Variants in RHOD observed in about 807,000 individuals in gnomAD.
RHOD encodes the protein rho-related GTP-binding protein RhoD.
In RHOD, 11 loss-of-function variants were observed where a neutral mutation model predicts 16.7. The observed-to-expected ratio is 0.66, with a 90% CI of 0.41 to 1.09. The LOEUF is 1.09. Among genes scored for constraint, RHOD ranks in the 50% least tolerant of loss-of-function variants. RHOD has a pLI of 0.00. For synonymous variants in RHOD, 124 were observed against 126.3 expected, an observed-to-expected ratio of 0.98 and a Z score of 0.12; for missense variants, 271 against 291.7, an observed-to-expected ratio of 0.93 and a Z score of 0.52.
intron 3 of RHOD, among the ~76,000 whole-genome samples, chr11:67,067,878 C>T (rs1251873068): frequency 6.6e-6 from 1 of 152,160 alleles, no homozygotes; most frequent in African/African-American, 2.4e-5. Flanking sequence ...CGGCTCACTA[C>T]AAGCTCTGCC....
rs1855026125 is a variant in RHOD at position 67,071,292 on chromosome 11, G to T, written c.466-143G>T. On this transcript the variant is annotated intron_variant, in intron 4 of 4. Coordinates refer to ENST00000308831, the MANE Select transcript of RHOD (RefSeq NM_014578.4). The stretch of plus-strand genomic sequence containing the variant: ...GAAAAACAAACATGATGAAGTGCAT[G>T]AGGGCGCTTGGGCAAGCAGGGATAC... 9 of 558,732 alleles carry T rather than the reference G, an allele frequency of 1.6e-5. No homozygotes were observed. In the South Asian group the frequency reaches 3.1e-4, roughly 19 times the overall value. The allele number at this position is 558,732 out of a possible 1,614,324, so 34.6% of individuals were successfully genotyped here.
intron 4 of RHOD, among the ~76,000 whole-genome samples, chr11:67,071,031 G>C (rs544421776): frequency 6.6e-6 from 1 of 152,082 alleles, no homozygotes; most frequent in Non-Finnish European, 1.5e-5. Flanking sequence ...TCAGGAGTTC[G>C]AGACCAGCCA....
In RHOD at chr11:67,066,823, C is replaced by T. The variant is rs757893869; in HGVS notation, c.306C>T (p.Asn102=). The part of the protein sequence containing the change: ...LLLCFDVTSP[N]SFDNIFNRWY... Reference sequence around the variant, plus strand: ...TTTGCTTCGATGTCACCAGCCCGAACAGCTTTGACAACATCTTTAACCGGG... The same window carrying T: ...TTTGCTTCGATGTCACCAGCCCGAATAGCTTTGACAACATCTTTAACCGGG... The change falls in exon 3 of 5, where the codon AAC becomes AAT. Residue 102 remains asparagine, a synonymous_variant. Coordinates refer to ENST00000308831, the MANE Select transcript of RHOD (RefSeq NM_014578.4). 1.2e-6 allele frequency: 2 copies of T among 1,613,274 alleles called. No homozygotes were observed. The highest frequency in any genetic ancestry group is 1.7e-5 in the Admixed American group (1 of 60,024).
intron 1 of RHOD, among the ~76,000 whole-genome samples, chr11:67,064,892 G>A (rs1039623209): frequency 6.6e-6 from 1 of 151,976 alleles, no homozygotes; most frequent in African/African-American, 2.4e-5. Context: ...ACTCCAGCCT[G>A]GGAAACACAG....
At chr11:67,064,145 G>A (rs371979135) in intron 1 of RHOD, among the ~76,000 whole-genome samples, 7 of 144,862 alleles carry the variant, frequency 4.8e-5, no homozygotes, top group South Asian at 4.4e-4. Flanking sequence ...GGTGGCTCAC[G>A]CCTGTAATCC....
Position 67,071,649 on chromosome 11 carries a change from C to G in RHOD, c.*47C>G. 1 of 1,513,172 alleles carries G rather than the reference C, an allele frequency of 6.6e-7. No homozygotes were observed. The highest frequency in any genetic ancestry group is 8.9e-7 in the Non-Finnish European group (1 of 1,125,968). The allele number at this position is 1,513,172 out of a possible 1,614,324, so 93.7% of individuals were successfully genotyped here. A position where few individuals can be genotyped will look rare whatever the true frequency, so the allele number is the denominator to read the frequency against. On this transcript the variant is annotated 3_prime_UTR_variant, in exon 5 of 5. Transcript: ENST00000308831. ...ACGCGGGAAGGGGCAGGGCGCTGAC[C>G]TGCTGCTGAGCTGGCTGGGCTGGAC...
chr11:67,065,317 G>A (rs185659085), intron 1 of RHOD, among the ~76,000 whole-genome samples: 252 of 152,188 alleles, frequency 1.7e-3, no homozygotes, highest in African/African-American at 5.9e-3. Context: ...CTCATGATCC[G>A]CCCACTTCGG....
chr11:67,061,399 G>A (rs1163490050), intron 1 of RHOD, among the ~76,000 whole-genome samples: 7 of 152,268 alleles, frequency 4.6e-5, no homozygotes, highest in East Asian at 1.9e-4. Flanking sequence ...TCGGGAGGCC[G>A]AGGCGGGTGG....
intron 2 of RHOD, among the ~76,000 whole-genome samples, 192 bp downstream of exon 2, chr11:67,066,175 C>T (rs1854957565): frequency 6.6e-6 from 1 of 152,204 alleles, no homozygotes; most frequent in African/African-American, 2.4e-5. Context: ...CCCCCAGCAC[C>T]CCAGGGCCGC....
chr11:67,070,608 A>T (rs765783658), intron 4 of RHOD, 49 bp downstream of exon 4: 1 of 1,609,312 alleles, frequency 6.2e-7, no homozygotes, highest in Non-Finnish European at 8.5e-7. Flanking sequence ...GAGTGAGGGG[A>T]CCTCTGGATG....
intron 1 of RHOD, among the ~76,000 whole-genome samples, chr11:67,060,223 C>T (rs939596702): frequency 1.3e-5 from 2 of 152,186 alleles, no homozygotes; most frequent in African/African-American, 2.4e-5. Context: ...AGGGATGCCC[C>T]GACACTCCCT....
intron 1 of RHOD, among the ~76,000 whole-genome samples, chr11:67,065,085 T>A (rs1854941106): frequency 6.6e-6 from 1 of 152,026 alleles, no homozygotes; most frequent in South Asian, 2.1e-4. Flanking sequence ...GGACTTTTTT[T>A]TTTTTTTTGA....
At chr11:67,059,058 A>T (rs143410340) in intron 1 of RHOD, among the ~76,000 whole-genome samples, 22 of 152,266 alleles carry the variant, frequency 1.4e-4, no homozygotes, top group African/African-American at 4.8e-4. Flanking sequence ...CCAACTTCAG[A>T]GGAGTTATGA....
chr11:67,066,089 TCCAA>T, intron 2 of RHOD, 106 bp downstream of exon 2: 1 of 908,590 alleles, frequency 1.1e-6, no homozygotes, highest in South Asian at 1.6e-5. Flanking sequence ...CCAGCCAGTC[TCCAA>T]GGGACAGGTG....
chr11:67,061,649 A>T (rs1339885547), intron 1 of RHOD, among the ~76,000 whole-genome samples: 1 of 149,616 alleles, frequency 6.7e-6, no homozygotes, highest in Non-Finnish European at 1.5e-5. Context: ...AAAAAAAAAA[A>T]ATCAAACCCG....
At chr11:67,071,062 G>A (rs1467052927) in intron 4 of RHOD, among the ~76,000 whole-genome samples, 1 of 152,048 alleles carries the variant, frequency 6.6e-6, no homozygotes, top group Non-Finnish European at 1.5e-5. Flanking sequence ...GCGAGACCCT[G>A]TCTCTACCAA....
At chr11:67,066,004 C>CGGGGGGGGGGG in intron 2 of RHOD, 21 bp downstream of exon 2, 1 of 700,728 alleles carries the variant, frequency 1.4e-6, no homozygotes, top group Non-Finnish European at 2.6e-6. Flanking sequence ...AGGGGTGGGG[C>CGGGGGGGGGGG]AGGGTGGGAG....
chr11:67,062,948 A>T (rs1014368668), intron 1 of RHOD, among the ~76,000 whole-genome samples: 3 of 152,164 alleles, frequency 2.0e-5, no homozygotes, highest in African/African-American at 7.2e-5. Context: ...CTGCATTTTC[A>T]TCTGTGTACA....
intron 1 of RHOD, among the ~76,000 whole-genome samples, chr11:67,057,963 C>A (rs1253940076): frequency 4.6e-5 from 7 of 152,212 alleles, no homozygotes; most frequent in Non-Finnish European, 7.3e-5. Context: ...TCCTGGGAGT[C>A]CATGGAGTTG....
Sources: allele counts gnomAD v4.1 joint callset (sites outside exome capture counted in the v4.1 genomes callset), GRCh38; gene constraint gnomAD v4.1.1; transcripts MANE v1.5; gene names NCBI Gene and HGNC (gene_info 2026-07-23, HGNC 2026-07-21).